The following RALYL variants were observed in gnomAD, a reference collection of about 807,000 sequenced individuals.
The protein encoded by RALYL is RNA-binding Raly-like protein.
In RALYL, 29 loss-of-function variants were observed where a neutral mutation model predicts 35.1. The observed-to-expected ratio is 0.83, with a 90% CI of 0.61 to 1.13. The LOEUF (loss-of-function observed/expected upper bound fraction) is 1.13, where lower values mean the gene tolerates loss of function less well. Among genes scored for constraint, RALYL ranks in the 50% most tolerant of loss-of-function variants. The pLI, the probability that RALYL is intolerant of heterozygous loss-of-function variation, is 0.00. For missense variants in RALYL, 359 were observed against 360.4 expected (o/e 1.00, Z 0.03); for synonymous variants, 120 against 127.6 (o/e 0.94, Z 0.40).
chr8:84,469,463 G>A (rs540320997), intron 1 of RALYL, among the ~76,000 whole-genome samples: 1 of 152,328 alleles, frequency 6.6e-6, no homozygotes, highest in Admixed American at 6.5e-5. Flanking sequence ...TCGGGTGTCA[G>A]GGGACAGGGA....
intron 1 of RALYL, among the ~76,000 whole-genome samples, chr8:84,277,673 C>A (rs1282493388): frequency 2.0e-5 from 3 of 152,148 alleles, no homozygotes; most frequent in Non-Finnish European, 2.9e-5. Flanking sequence ...ATAAATACAC[C>A]TATTTTAAAT....
chr8:84,790,425 G>C (rs1311653854), intron 3 of RALYL, among the ~76,000 whole-genome samples: 2 of 152,120 alleles, frequency 1.3e-5, no homozygotes, highest in African/African-American at 2.4e-5. Flanking sequence ...AAGCCTGGAG[G>C]GATGACTTAC....
intron 3 of RALYL, among the ~76,000 whole-genome samples, chr8:84,782,692 G>C (rs1335157446): frequency 6.6e-6 from 1 of 152,196 alleles, no homozygotes; most frequent in African/African-American, 2.4e-5. Flanking sequence ...ATTGCGGTTA[G>C]AGCACCAACA....
At chr8:84,517,821 A>G (rs1444490376) in intron 1 of RALYL, among the ~76,000 whole-genome samples, 1 of 152,188 alleles carries the variant, frequency 6.6e-6, no homozygotes, top group Non-Finnish European at 1.5e-5. Context: ...TTATATGCCA[A>G]ATACTGTGCT....
chr8:84,193,409 G>A (rs906279623), intron 1 of RALYL, among the ~76,000 whole-genome samples: 3 of 152,160 alleles, frequency 2.0e-5, no homozygotes, highest in South Asian at 4.1e-4. Context: ...TGCTGGTTAC[G>A]TCTCAGAAGA....
intron 2 of RALYL, among the ~76,000 whole-genome samples, chr8:84,695,919 A>G (rs1839038187): frequency 6.6e-6 from 1 of 151,804 alleles, no homozygotes; most frequent in South Asian, 2.1e-4. Context: ...CACTCCTAAT[A>G]CAGCACTCAT....
chr8:84,208,127 C>T (rs148477464), intron 1 of RALYL, among the ~76,000 whole-genome samples: 142 of 152,052 alleles, frequency 9.3e-4, no homozygotes, highest in African/African-American at 3.2e-3. Flanking sequence ...GTACACATAT[C>T]GGATTATGAT....
At chr8:84,721,914 G>A (rs1027482904) in intron 2 of RALYL, among the ~76,000 whole-genome samples, 1 of 151,998 alleles carries the variant, frequency 6.6e-6, no homozygotes, top group African/African-American at 2.4e-5. Flanking sequence ...ACTCAGTAAT[G>A]GTATCAACTG....
At chr8:84,622,397 G>A (rs1821734763) in intron 2 of RALYL, among the ~76,000 whole-genome samples, 2 of 152,178 alleles carry the variant, frequency 1.3e-5, no homozygotes, top group Admixed American at 1.3e-4. Flanking sequence ...CCTCAGATAT[G>A]AGCATCGTTT....
intron 1 of RALYL, among the ~76,000 whole-genome samples, chr8:84,256,707 C>T (rs1271708309): frequency 6.6e-6 from 1 of 152,042 alleles, no homozygotes; most frequent in Non-Finnish European, 1.5e-5. Flanking sequence ...TTTTCTTATT[C>T]TAAGGGCCTT....
intron 2 of RALYL, among the ~76,000 whole-genome samples, chr8:84,724,626 T>C (rs1257345059): frequency 6.6e-6 from 1 of 151,756 alleles, no homozygotes; most frequent in Non-Finnish European, 1.5e-5. Flanking sequence ...TGCTCTGTTA[T>C]TTTCCAAGTC....
intron 2 of RALYL, among the ~76,000 whole-genome samples, chr8:84,720,411 C>T (rs951571487): frequency 6.6e-6 from 1 of 152,036 alleles, no homozygotes; most frequent in Non-Finnish European, 1.5e-5. Flanking sequence ...GAAAAGACAA[C>T]CTCTTCAACA....
At chr8:84,898,695 T>C (rs776092865) in intron 8 of RALYL, among the ~76,000 whole-genome samples, 2 of 152,280 alleles carry the variant, frequency 1.3e-5, no homozygotes, top group South Asian at 2.1e-4. Flanking sequence ...TAGTGTATCA[T>C]TGCAATTAAA....
chr8:84,216,508 G>T (rs1417322113), intron 1 of RALYL, among the ~76,000 whole-genome samples: 2 of 152,104 alleles, frequency 1.3e-5, no homozygotes, highest in Non-Finnish European at 2.9e-5. Flanking sequence ...ACTACAGTGA[G>T]CAAATTAACA....
chr8:84,691,065 C>T (rs765332368), intron 2 of RALYL, among the ~76,000 whole-genome samples: 7 of 152,032 alleles, frequency 4.6e-5, no homozygotes, highest in Non-Finnish European at 8.8e-5. Flanking sequence ...ATAGTAATAA[C>T]ATTTTCCAGG....
intron 1 of RALYL, among the ~76,000 whole-genome samples, chr8:84,485,868 G>A (rs989466522): frequency 6.6e-6 from 1 of 152,006 alleles, no homozygotes; most frequent in African/African-American, 2.4e-5. Flanking sequence ...TTTTACAATA[G>A]CATCTTCCTA....
chr8:84,693,861 A>C (rs2132199421), intron 2 of RALYL, among the ~76,000 whole-genome samples: 1 of 152,078 alleles, frequency 6.6e-6, no homozygotes, highest in East Asian at 1.9e-4. Flanking sequence ...GAAGGAGAAA[A>C]ACCATATGAT....
chr8:84,870,118 G>A lies in RALYL; in HGVS notation c.572-3166G>A, dbSNP rs146552580. On this transcript the variant is annotated intron_variant, in intron 6 of 8. Transcript: ENST00000521268. ...TAAAGTAATTTGTCCTAGGAACTTTGTAATTTTTTTAATTTATCATTTTGC... is the reference window on the plus strand; with the variant it reads ...TAAAGTAATTTGTCCTAGGAACTTTATAATTTTTTTAATTTATCATTTTGC... 3.8e-3 allele frequency among the ~76,000 whole-genome samples: 581 copies of A among 152,098 alleles called. 5 individuals are homozygous for A. Among genetic ancestry groups the A allele is most frequent in the Non-Finnish European group, 4.2e-3 (288 of 67,980 alleles).
At chr8:84,431,416 G>T (rs1337833169) in intron 1 of RALYL, among the ~76,000 whole-genome samples, 2 of 151,958 alleles carry the variant, frequency 1.3e-5, no homozygotes, top group Non-Finnish European at 2.9e-5. Context: ...TCACTATGAG[G>T]GAAACGCAAA....
Sources: allele counts gnomAD v4.1 joint callset (sites outside exome capture counted in the v4.1 genomes callset), GRCh38; gene constraint gnomAD v4.1.1; transcripts MANE v1.5; gene names NCBI Gene and HGNC (gene_info 2026-07-23, HGNC 2026-07-21).